The following MRTFB variants were observed in gnomAD, a reference collection of about 807,000 sequenced individuals.
MRTFB encodes the protein myocardin related transcription factor B.
In MRTFB, 29 loss-of-function variants were observed where a neutral mutation model predicts 104.2. That is an observed-to-expected ratio of 0.28 (90% confidence interval 0.21 to 0.38). MRTFB has a LOEUF of 0.38. Ranked by LOEUF, MRTFB falls within the 10% of genes least tolerant of loss-of-function variation. MRTFB has a pLI of 1.00. For synonymous variants in MRTFB, 535 were observed against 519.5 expected (o/e 1.03, Z -0.41); for missense variants, 1,270 against 1,341.6 (o/e 0.95, Z 0.83).
chr16:14,159,035 G>A (rs2038933011), intron 3 of MRTFB, among the ~76,000 whole-genome samples: 1 of 151,804 alleles, frequency 6.6e-6, no homozygotes, highest in South Asian at 2.1e-4. Flanking sequence ...CAGCTACTTA[G>A]GAGGCTGAGG....
chr16:14,191,716 A>G (rs2040192836), intron 3 of MRTFB: 2 of 152,210 alleles, frequency 1.3e-5, no homozygotes, highest in African/African-American at 4.8e-5. Context: ...TAATTCCATT[A>G]TAAATTAATG....
chr16:14,185,333 T>C (rs988192812), intron 3 of MRTFB, among the ~76,000 whole-genome samples: 5 of 152,344 alleles, frequency 3.3e-5, no homozygotes, highest in Non-Finnish European at 7.3e-5. Flanking sequence ...GAATACTTCA[T>C]CCAGACCCAC....
chr16:14,023,677 CTA>C, the MRTFB span, among the ~76,000 whole-genome samples: 1 of 149,010 alleles, frequency 6.7e-6, no homozygotes, highest in Non-Finnish European at 1.5e-5. Context: ...GTGTGTGTGT[CTA>C]TATATATATA....
intron 3 of MRTFB, chr16:14,186,568 A>G: frequency 5.3e-6 from 2 of 379,836 alleles, no homozygotes; most frequent in Non-Finnish European, 8.6e-6. Flanking sequence ...CGGACCATCA[A>G]ACTGCAGACT....
the MRTFB span, among the ~76,000 whole-genome samples, chr16:14,002,210 C>G: frequency 1.3e-5 from 2 of 152,078 alleles, no homozygotes; most frequent in Non-Finnish European, 2.9e-5. Flanking sequence ...TGGTGAAACC[C>G]TGTCTCTACT....
chr16:14,078,197 C>T lies in MRTFB; in HGVS notation c.-128-1093C>T, dbSNP rs541543721. Among the ~76,000 whole-genome samples the T allele has an allele frequency of 3.3e-5, 5 of 152,266 alleles. No homozygotes were observed. The South Asian group carries it at 6.2e-4, about 19-fold the overall frequency. On this transcript the variant is annotated intron_variant, in intron 1 of 16. Transcript: ENST00000571589. ...GTAGCTTGTCTGTCATGCAGCTTAA[C>T]CCTTGATGAACTGTAAACTCTGTAA...
chr16:14,139,020 A>G (rs1435448527), intron 2 of MRTFB, among the ~76,000 whole-genome samples: 4 of 152,242 alleles, frequency 2.6e-5, no homozygotes, highest in Non-Finnish European at 5.9e-5. Context: ...CTAATCAAAG[A>G]TTTATTAGCT....
In MRTFB at chr16:14,153,909, C is replaced by T. The variant is rs1372660230; in HGVS notation, c.154+13149C>T. ...TAATGTTGAAAACTCCAACCACCAA[C>T]ATGGATTATTTCTCCTAAAGTCTAC... On this transcript the variant is annotated intron_variant, in intron 3 of 16. Coordinates refer to ENST00000571589, the MANE Select transcript of MRTFB (RefSeq NM_001308142.2). Among the ~76,000 whole-genome samples the T allele has an allele frequency of 2.6e-5, 4 of 152,298 alleles. No homozygotes were observed. The South Asian group carries it at 6.2e-4, about 24-fold the overall frequency.
intron 8 of MRTFB, among the ~76,000 whole-genome samples, chr16:14,220,962 A>G (rs948483660): frequency 6.6e-6 from 1 of 152,182 alleles, no homozygotes; most frequent in African/African-American, 2.4e-5. Context: ...ACCCCCTTGT[A>G]TTAAGTGTTC....
At position 14,225,656 on chromosome 16, in the gene MRTFB, GCATTCATT is replaced by G. The variant is rs74275913; in HGVS notation, c.693+6690_693+6697del. On this transcript the variant is annotated intron_variant, in intron 8 of 16. Coordinates refer to ENST00000571589, the MANE Select transcript of MRTFB (RefSeq NM_001308142.2). Reference sequence around the variant, plus strand: ...GCTGTCCACACCTGCCATCCAGAAAGCATTCATTCATTCATTCATTCATTCATTCATTC... The same window carrying G: ...GCTGTCCACACCTGCCATCCAGAAAGCATTCATTCATTCATTCATTCATTC... Among the ~76,000 whole-genome samples, 860 of 151,282 alleles carry G rather than the reference GCATTCATT, an allele frequency of 5.7e-3. 5 individuals carry two copies. Among genetic ancestry groups the G allele is most frequent in the African/African-American group, 0.016 (667 of 40,892 alleles).
chr16:14,119,629 G>C (rs567176225), intron 2 of MRTFB, among the ~76,000 whole-genome samples: 1 of 152,170 alleles, frequency 6.6e-6, no homozygotes, highest in African/African-American at 2.4e-5. Flanking sequence ...GTAAGGGTTA[G>C]AGTAGAGGGA....
In MRTFB at chr16:14,210,257, C is replaced by T; in HGVS notation, c.169C>T (p.Leu57=). 2 of 1,613,198 alleles carry T rather than the reference C, an allele frequency of 1.2e-6. No individual in the cohort carries two copies. Among genetic ancestry groups the T allele is most frequent in the Non-Finnish European group, 1.7e-6 (2 of 1,179,482 alleles). Residue 57 remains leucine, a synonymous_variant, in exon 4 of 17, where the codon CTG becomes TTG. Transcript: ENST00000571589. ...NERKNVLQLR[L]QQRRTREQLV... ...CCTTTTCACAGTGCTCCAGCTGAGG[C>T]TGCAACAAAGGAGGACGAGAGAACA...
chr16:13,999,964 G>C, the MRTFB span, among the ~76,000 whole-genome samples: 1 of 152,090 alleles, frequency 6.6e-6, no homozygotes, highest in African/African-American at 2.4e-5. Flanking sequence ...AAATGGTCTC[G>C]CCTCCCCCTT....
chr16:14,117,004 C>G (rs2036574516), intron 2 of MRTFB, among the ~76,000 whole-genome samples: 1 of 152,172 alleles, frequency 6.6e-6, no homozygotes, highest in East Asian at 1.9e-4. Flanking sequence ...GATGAAGAGT[C>G]TAGCTCAGCT....
intron 3 of MRTFB, chr16:14,186,834 GT>G (rs2039970519): frequency 1.3e-6 from 2 of 1,590,500 alleles, no homozygotes; most frequent in Admixed American, 3.4e-5. Flanking sequence ...GGACCAGAGT[GT>G]TCTGCGCACC....
chr16:14,017,568 A>G, the MRTFB span, among the ~76,000 whole-genome samples: 4 of 132,084 alleles, frequency 3.0e-5, no homozygotes, highest in Non-Finnish European at 6.3e-5. Context: ...GTCCCTTGCA[A>G]CGAAAAGAGA....
upstream of MRTFB, among the ~76,000 whole-genome samples, chr16:14,069,477 T>C (rs960724343): frequency 2.6e-5 from 4 of 152,172 alleles, no homozygotes; most frequent in Non-Finnish European, 4.4e-5. Context: ...TCCCCTCTTA[T>C]GAATCTATAT....
At chr16:14,104,894 G>A (rs1014737209) in intron 2 of MRTFB, among the ~76,000 whole-genome samples, 4 of 152,170 alleles carry the variant, frequency 2.6e-5, no homozygotes, top group African/African-American at 9.7e-5. Context: ...TTGTAGCTGA[G>A]TAGTTAGAGG....
chr16:14,136,110 A>G (rs1372362113), intron 2 of MRTFB, among the ~76,000 whole-genome samples: 1 of 152,004 alleles, frequency 6.6e-6, no homozygotes, highest in Non-Finnish European at 1.5e-5. Context: ...TGTCTCTACT[A>G]AAAATACAGA....
Sources: allele counts gnomAD v4.1 joint callset (sites outside exome capture counted in the v4.1 genomes callset), GRCh38; gene constraint gnomAD v4.1.1; transcripts MANE v1.5; gene names NCBI Gene and HGNC (gene_info 2026-07-23, HGNC 2026-07-21).